Variants in WWOX observed in about 807,000 individuals in gnomAD.
WWOX encodes the protein WW domain containing oxidoreductase.
WWOX carries 69 observed loss-of-function variants against 46.2 expected under a neutral mutation model. That is an observed-to-expected ratio of 1.49 (90% confidence interval 1.23 to 1.82). The LOEUF (loss-of-function observed/expected upper bound fraction) is 1.82, where lower values mean the gene tolerates loss of function less well. Among genes scored for constraint, WWOX ranks in the 40% most tolerant of loss-of-function variants. WWOX has a pLI of 0.00. For synonymous variants in WWOX, 359 were observed against 202.6 expected (o/e 1.77, Z -6.56); for missense variants, 919 against 542.6 (o/e 1.69, Z -6.89).
At position 78,876,447 on chromosome 16, in the gene WWOX, T is replaced by C. The variant is rs373544822; in HGVS notation, c.1057-335161T>C. On this transcript the variant is annotated intron_variant, in intron 8 of 8. Transcript: ENST00000566780. ...CAGTTCTCTGTTGTTAATCAACAAA[T>C]AGATTGTGAATGCTTGACTCTTCTT... is the stretch of plus-strand genomic sequence containing the variant. Among the ~76,000 whole-genome samples, 330 of 151,134 alleles carry C rather than the reference T, an allele frequency of 2.2e-3. 1 individual carries two copies. Among genetic ancestry groups the C allele is most frequent in the Non-Finnish European group, 3.8e-3 (261 of 67,888 alleles).
At chr16:78,163,095 G>T (rs1310504165) in intron 4 of WWOX, among the ~76,000 whole-genome samples, 1 of 152,022 alleles carries the variant, frequency 6.6e-6, no homozygotes. Context: ...ATTTCCATTT[G>T]TTCCCCTCTG....
chr16:78,865,308 A>G (rs369803607), intron 8 of WWOX, among the ~76,000 whole-genome samples: 1 of 152,086 alleles, frequency 6.6e-6, no homozygotes, highest in South Asian at 2.1e-4. Context: ...CTCATAAATA[A>G]TGTAAGACAA....
chr16:78,370,612 A>G (rs1454685690), intron 5 of WWOX, among the ~76,000 whole-genome samples: 1 of 151,658 alleles, frequency 6.6e-6, no homozygotes, highest in Non-Finnish European at 1.5e-5. Context: ...TTATTTTTTA[A>G]TCTTCTTATT....
At chr16:78,134,916 A>G (rs540712159) in intron 4 of WWOX, among the ~76,000 whole-genome samples, 25 of 152,336 alleles carry the variant, frequency 1.6e-4, no homozygotes, top group African/African-American at 6.0e-4. Flanking sequence ...ATCCAGAAGA[A>G]AGCATTTCAC....
intron 8 of WWOX, among the ~76,000 whole-genome samples, chr16:79,046,674 C>T (rs759187711): frequency 6.6e-6 from 1 of 152,108 alleles, no homozygotes. Flanking sequence ...TTGGCTCAGC[C>T]CAGCAGGAGA....
At chr16:78,108,956 C>G (rs1027115338) in intron 2 of WWOX, among the ~76,000 whole-genome samples, 1 of 152,192 alleles carries the variant, frequency 6.6e-6, no homozygotes, top group Non-Finnish European at 1.5e-5. Context: ...CCACTGCGCT[C>G]CAGCCTCGGT....
Position 78,658,442 on chromosome 16 carries a change from G to A in WWOX, c.1056+225690G>A, listed in dbSNP as rs532865470. 1.6e-4 allele frequency among the ~76,000 whole-genome samples: 24 copies of A among 152,142 alleles called. No homozygotes were observed. In the South Asian group the frequency reaches 4.0e-3, roughly 25 times the overall value. ...AGTTTCCCAGGGCTTCCTTGAAAAC[G>A]TGCCATAGACTAGATAGCTTGAAAC... On this transcript the variant is annotated intron_variant, in intron 8 of 8. Transcript: ENST00000566780.
intron 8 of WWOX, among the ~76,000 whole-genome samples, chr16:78,876,785 A>G (rs559187647): frequency 1.3e-5 from 2 of 152,306 alleles, no homozygotes; most frequent in South Asian, 4.1e-4. Flanking sequence ...AAAATGCCTT[A>G]AACACCTCAT....
intron 8 of WWOX, chr16:79,110,543 C>T (rs918518984): frequency 2.0e-5 from 3 of 152,134 alleles, no homozygotes; most frequent in African/African-American, 7.2e-5. Flanking sequence ...TAGTTTGTAC[C>T]TCAAGTCATT....
At chr16:79,130,838 G>T (rs183823832) in intron 8 of WWOX, among the ~76,000 whole-genome samples, 28 of 152,252 alleles carry the variant, frequency 1.8e-4, no homozygotes, top group African/African-American at 6.3e-4. Context: ...CATGTTCTCC[G>T]CACAGTGCGG....
At chr16:79,132,119 C>G (rs1263295043) in intron 8 of WWOX, among the ~76,000 whole-genome samples, 2 of 143,014 alleles carry the variant, frequency 1.4e-5, no homozygotes, top group African/African-American at 5.5e-5. Flanking sequence ...CCACCCAACA[C>G]TTGCAGAAAC....
chr16:79,087,592 A>C (rs906799425), intron 8 of WWOX, among the ~76,000 whole-genome samples: 2 of 152,320 alleles, frequency 1.3e-5, no homozygotes, highest in Admixed American at 1.3e-4. Context: ...AGTCCTGAGC[A>C]CTGGGGAGTT....
At chr16:78,910,922 C>G (rs911915074) in intron 8 of WWOX, among the ~76,000 whole-genome samples, 2 of 152,006 alleles carry the variant, frequency 1.3e-5, no homozygotes, top group Non-Finnish European at 2.9e-5. Flanking sequence ...ATATGTTGAT[C>G]AGCTCAATTT....
chr16:79,127,398 A>G (rs2049781181), intron 8 of WWOX, among the ~76,000 whole-genome samples: 1 of 152,118 alleles, frequency 6.6e-6, no homozygotes, highest in African/African-American at 2.4e-5. Flanking sequence ...TTTTTGCTTG[A>G]CAATATATCT....
intron 8 of WWOX, among the ~76,000 whole-genome samples, chr16:78,441,977 T>G (rs2083455029): frequency 6.6e-6 from 1 of 151,234 alleles, no homozygotes; most frequent in Non-Finnish European, 1.5e-5. Context: ...TGTGTGTGTG[T>G]GTGTGTGTGT....
chr16:78,562,475 C>G (rs2738518), intron 8 of WWOX, among the ~76,000 whole-genome samples: 3 of 152,200 alleles, frequency 2.0e-5, no homozygotes, highest in African/African-American at 7.2e-5. Context: ...AGCAAGGCCC[C>G]TAACCTCCCA....
intron 5 of WWOX, chr16:78,237,606 G>T (rs947854340): frequency 6.6e-6 from 1 of 152,142 alleles, no homozygotes; most frequent in African/African-American, 2.4e-5. Context: ...ACAAGCTCCT[G>T]CCCATGGACA....
chr16:78,492,932 C>G (rs991985667), intron 8 of WWOX, among the ~76,000 whole-genome samples: 11 of 152,170 alleles, frequency 7.2e-5, no homozygotes, highest in Admixed American at 2.0e-4. Flanking sequence ...CATCACTAAT[C>G]AATCAGTCAT....
intron 8 of WWOX, among the ~76,000 whole-genome samples, chr16:78,609,975 C>G (rs1271829843): frequency 2.0e-5 from 3 of 150,312 alleles, no homozygotes; most frequent in African/African-American, 7.4e-5. Flanking sequence ...CCCCCACCCC[C>G]CTTTAAGTAA....
Sources: allele counts gnomAD v4.1 joint callset (sites outside exome capture counted in the v4.1 genomes callset), GRCh38; gene constraint gnomAD v4.1.1; transcripts MANE v1.5; gene names NCBI Gene and HGNC (gene_info 2026-07-23, HGNC 2026-07-21).